VARS1: variants seen among roughly 807,000 people sequenced by gnomAD.
VARS1 encodes valyl-tRNA synthetase 1.
VARS1 carries 92 observed loss-of-function variants against 161.0 expected under a neutral mutation model. The ratio of observed to expected loss-of-function variants is 0.57; its 90% CI spans 0.48 to 0.68. VARS1 has a LOEUF of 0.68. Among genes scored for constraint, VARS1 ranks in the 30% least tolerant of loss-of-function variants. The pLI is 0.00. For synonymous variants in VARS1, 595 were observed against 682.5 expected, an observed-to-expected ratio of 0.87 and a Z score of 2.00; for missense variants, 1,338 against 1,695.9, an observed-to-expected ratio of 0.79 and a Z score of 3.71.
At chr6:31,789,701 A>G (rs1813739339) in intron 8 of VARS1, among the ~76,000 whole-genome samples, 1 of 152,204 alleles carries the variant, frequency 6.6e-6, no homozygotes, top group Non-Finnish European at 1.5e-5. Flanking sequence ...GCCACATGGA[A>G]GAATTGTCTT....
In VARS1 at chr6:31,780,428, A is replaced by G. The variant is rs1813061361; in HGVS notation, c.2925+13T>C. 1 of 1,609,840 alleles carries G rather than the reference A, an allele frequency of 6.2e-7. No individual in the cohort carries two copies. Among genetic ancestry groups the G allele is most frequent in the Non-Finnish European group, 8.5e-7 (1 of 1,177,964 alleles). The stretch of plus-strand genomic sequence containing the variant: ...GTGAGTGCTGCCAGCTTTGCTGCCC[A>G]CCAGGCCCTTACCTGGGAGGTGGGT... On this transcript the variant is annotated intron_variant, in intron 25 of 29. Transcript: ENST00000375663. The surrounding 1 kb of genome is among the most constrained non-coding windows in gnomAD (Gnocchi z 5.1).
chr6:31,779,229 T>G lies in VARS1; in HGVS notation c.3464A>C (p.Gln1155Pro), dbSNP rs763707197. The G allele has an allele frequency of 8.7e-6, 14 of 1,606,716 alleles. No homozygotes were observed. Among genetic ancestry groups the G allele is most frequent in the Non-Finnish European group, 4.2e-6 (5 of 1,179,274 alleles). ...CACCACACCTGCGCTGGCCAGGGCC[T>G]GCACGTAGCCCGACACCGCCGATGC... ...ALASAVSGYVQALASAGVVAV... is the reference protein window; with the variant it reads ...ALASAVSGYVPALASAGVVAV... The change falls in exon 29 of 30, where the codon CAG (glutamine) becomes CCG (proline). Residue 1155 changes from glutamine (Q) to proline (P), a missense_variant. Physicochemically the swap from Gln to Pro is moderately conservative, Grantham distance 76. Around this residue, in one of 3 missense-constraint regions of VARS1, gnomAD observed 433 missense variants for 586.2 expected, o/e 0.74. Coordinates refer to ENST00000375663, the MANE Select transcript of VARS1 (RefSeq NM_006295.3). The surrounding 1 kb of genome is among the most constrained non-coding windows in gnomAD (Gnocchi z 9.1).
intron 2 of VARS1, 93 bp from the exon 3 acceptor site, chr6:31,793,213 T>G (rs537619645): frequency 6.9e-7 from 1 of 1,457,116 alleles, no homozygotes; most frequent in African/African-American, 1.4e-5. Context: ...CACCCCACTC[T>G]CACAAATCAC....
At chr6:31,789,493 T>C (rs557944148) in intron 8 of VARS1, among the ~76,000 whole-genome samples, 1 of 152,256 alleles carries the variant, frequency 6.6e-6, no homozygotes, top group South Asian at 2.1e-4. Flanking sequence ...AAATGAACAC[T>C]CTCACAGCAA....
Position 31,778,805 on chromosome 6 carries a change from CTGTTT to C in VARS1, c.3726+157_3726+161del. The C allele has an allele frequency of 2.1e-6, 2 of 968,646 alleles. No individual in the cohort carries two copies. The highest frequency in any genetic ancestry group is 1.5e-6 in the Non-Finnish European group (1 of 664,896). 60.0% of individuals were successfully genotyped at this position (968,646 alleles called of 1,614,324 possible). Reference sequence around the variant, plus strand: ...TACAGGTGTGAGCCACTGAGCCAGGCTGTTTTGTTTTTTAAGGCTAGTGGGAGTGG... The same window carrying C: ...TACAGGTGTGAGCCACTGAGCCAGGCTGTTTTTTAAGGCTAGTGGGAGTGG... On this transcript the variant is annotated intron_variant, in intron 29 of 29. Coordinates refer to ENST00000375663, the MANE Select transcript of VARS1 (RefSeq NM_006295.3). The surrounding 1 kb of genome is among the most constrained non-coding windows in gnomAD (Gnocchi z 5.1).
chr6:31,778,874 T>A lies in VARS1; in HGVS notation c.3726+93A>T. 6.7e-7 allele frequency: 1 copy of A among 1,497,060 alleles called. No individual in the cohort carries two copies. The highest frequency in any genetic ancestry group is 9.2e-7 in the Non-Finnish European group (1 of 1,091,330). The allele number at this position is 1,497,060 out of a possible 1,614,324, so 92.7% of individuals were successfully genotyped here. A position where few individuals can be genotyped will look rare whatever the true frequency, so the allele number is the denominator to read the frequency against. On this transcript the variant is annotated intron_variant, in intron 29 of 29. Transcript: ENST00000375663. The surrounding 1 kb of genome is among the most constrained non-coding windows in gnomAD (Gnocchi z 5.1). The stretch of plus-strand genomic sequence containing the variant: ...AAATCTGTAACTGGTTACGATCAAT[T>A]AGTTGTCAACACCACTGCACTCGGA...
chr6:31,781,311 C>T lies in VARS1; in HGVS notation c.2544+170G>A. On this transcript the variant is annotated intron_variant, in intron 21 of 29. Coordinates refer to ENST00000375663, the MANE Select transcript of VARS1 (RefSeq NM_006295.3). This position sits in a 1 kb window ranked among gnomAD's most constrained non-coding sequence, Gnocchi z 6.8. ...TCCTCTGGGAAGATGAAGCCCTGGG[C>T]ACAGGAATCACTGAGCAGGGCCCAG... 1 of 1,240,516 alleles carries T rather than the reference C, an allele frequency of 8.1e-7. No individual in the cohort carries two copies. The highest frequency in any genetic ancestry group is 1.1e-6 in the Non-Finnish European group (1 of 901,610). 76.8% of individuals were successfully genotyped at this position (1,240,516 alleles called of 1,614,324 possible).
rs1812840020 is a variant in VARS1, at chr6:31,777,827, C to A, written c.3727-165G>T. The A allele has an allele frequency of 1.4e-6, 1 of 691,122 alleles. No homozygotes were observed. Among genetic ancestry groups the A allele is most frequent in the Admixed American group, 2.5e-5 (1 of 40,420 alleles). The allele number at this position is 691,122 out of a possible 1,614,324, so 42.8% of individuals were successfully genotyped here. A position where few individuals can be genotyped will look rare whatever the true frequency, so the allele number is the denominator to read the frequency against. ...GGCTCCCCACCCATTCCCACCAGCA[C>A]CCCCACTTCCACCACCACCTCTTGG... On this transcript the variant is annotated intron_variant, in intron 29 of 29. Transcript: ENST00000375663. This position sits in a 1 kb window ranked among gnomAD's most constrained non-coding sequence, Gnocchi z 5.8.
intron 8 of VARS1, among the ~76,000 whole-genome samples, chr6:31,789,486 T>C (rs1813728254): frequency 6.6e-6 from 1 of 152,108 alleles, no homozygotes; most frequent in African/African-American, 2.4e-5. Flanking sequence ...GGTGGGGAAA[T>C]GAACACTCTC....
At position 31,793,068 on chromosome 6, in the gene VARS1, C is replaced by T. The variant is rs766788452; in HGVS notation, c.440G>A (p.Arg147Gln). 7 of 1,612,774 alleles carry T rather than the reference C, an allele frequency of 4.3e-6. No individual in the cohort carries two copies. The highest frequency in any genetic ancestry group is 5.9e-6 in the Non-Finnish European group (7 of 1,179,988). Reference protein sequence around the residue: ...RALSPLEEWLRLHTYLAGEAP... With the variant: ...RALSPLEEWLQLHTYLAGEAP... ...CTCCCCGGCCAAGTAGGTGTGCAGC[C>T]GAAGCCACTCCTCCAAGGGGCTCAG... The change falls in exon 3 of 30, where the codon CGG becomes CAG. Residue 147 changes from arginine (R) to glutamine (Q), a missense_variant. Transcript: ENST00000375663.
rs747386999 is a variant in VARS1 at position 31,778,970 on chromosome 6, G to A, written c.3723C>T (p.Ala1241=). The change falls in exon 29 of 30, where the codon GCC becomes GCT. Residue 1241 remains alanine (A), a synonymous_variant. Coordinates refer to ENST00000375663, the MANE Select transcript of VARS1 (RefSeq NM_006295.3). The surrounding 1 kb of genome is among the most constrained non-coding windows in gnomAD (Gnocchi z 5.1). ...VPLEVQEADE[A]KLQQTEAELR... ...AATGCCCACCCAGGCCACACACCTT[G>A]GCTTCATCTGCCTCCTGGACTTCGA... 1.2e-6 allele frequency: 2 copies of A among 1,613,048 alleles called. No individual in the cohort carries two copies. The highest frequency in any genetic ancestry group is 1.7e-6 in the Non-Finnish European group (2 of 1,180,032).
Position 31,777,623 on chromosome 6 carries a change from C to A in VARS1, c.3766G>T (p.Ala1256Ser), listed in dbSNP as rs868386963. 2 of 1,613,894 alleles carry A rather than the reference C, an allele frequency of 1.2e-6. No homozygotes were observed. The highest frequency in any genetic ancestry group is 2.7e-5 in the African/African-American group (2 of 74,912). ...TEAELRKVDE[A>S]IALFQKML ...AGCATCTTCTGGAATAGGGCGATGG[C>A]CTCATCCACCTTCCTGAGCTCTGCT... Residue 1256 changes from alanine (A) to serine (S), a missense_variant, in exon 30 of 30, where the codon GCC becomes TCC. Physicochemically the swap from Ala to Ser is moderately conservative, Grantham distance 99 (BLOSUM62 1). Transcript: ENST00000375663. This position sits in a 1 kb window ranked among gnomAD's most constrained non-coding sequence, Gnocchi z 5.8.
In VARS1 at chr6:31,779,876, T is replaced by C; in HGVS notation, c.3082-62A>G. On this transcript the variant is annotated intron_variant, in intron 26 of 29. Coordinates refer to ENST00000375663, the MANE Select transcript of VARS1 (RefSeq NM_006295.3). The surrounding 1 kb of genome is among the most constrained non-coding windows in gnomAD (Gnocchi z 9.1). ...TCTAGCCTTGAGCCCTCGCTGTGCC[T>C]GTGAGGACTGGGAAGGGGATGGGTT... 6.2e-7 allele frequency: 1 copy of C among 1,604,180 alleles called. No individual in the cohort carries two copies. The highest frequency in any genetic ancestry group is 8.5e-7 in the Non-Finnish European group (1 of 1,174,036).
Position 31,792,801 on chromosome 6 carries a change from TCTC to T in VARS1, c.614_616del (p.Gly205del), listed in dbSNP as rs1268475559. ...CCTGGCTCCTGAGTATAGAACCACT[TCTC>T]CTAGCACGGCTCGGAATTCTGGCTG... On this transcript the variant is annotated inframe_deletion, in exon 4 of 30. Coordinates refer to ENST00000375663, the MANE Select transcript of VARS1 (RefSeq NM_006295.3). 6 of 1,614,050 alleles carry T rather than the reference TCTC, an allele frequency of 3.7e-6. No homozygotes were observed. The East Asian group carries it at 6.7e-5, about 18-fold the overall frequency.
Position 31,793,037 on chromosome 6 carries a change from G to T in VARS1, c.471C>A (p.Pro157=), listed in dbSNP as rs1228465173. 3.7e-6 allele frequency: 6 copies of T among 1,612,930 alleles called. No individual in the cohort carries two copies. The African/African-American group carries it at 4.0e-5, about 11-fold the overall frequency. Residue 157 remains proline (P), a synonymous_variant, in exon 3 of 30, where the codon CCC becomes CCA. Coordinates refer to ENST00000375663, the MANE Select transcript of VARS1 (RefSeq NM_006295.3). The part of the protein sequence containing the change: ...RLHTYLAGEA[P]TLADLAAVTA... The stretch of plus-strand genomic sequence containing the variant: ...TGACAGCCGCCAGGTCAGCCAGAGT[G>T]GGGGCCTCCCCGGCCAAGTAGGTGT...
Position 31,779,243 on chromosome 6 carries a change from C to T in VARS1, c.3450G>A (p.Val1150=). 1 of 1,605,496 alleles carries T rather than the reference C, an allele frequency of 6.2e-7. No homozygotes were observed. The highest frequency in any genetic ancestry group is 8.5e-7 in the Non-Finnish European group (1 of 1,179,448). The change falls in exon 29 of 30, where the codon GTG becomes GTA. Residue 1150 remains valine (V), a synonymous_variant. Transcript: ENST00000375663. The surrounding 1 kb of genome is among the most constrained non-coding windows in gnomAD (Gnocchi z 9.1). ...DEATGALASA[V]SGYVQALASA... Reference sequence around the variant, plus strand: ...TGGCCAGGGCCTGCACGTAGCCCGACACCGCCGATGCCAGGGCGCCCGTGG... The same window carrying T: ...TGGCCAGGGCCTGCACGTAGCCCGATACCGCCGATGCCAGGGCGCCCGTGG...
chr6:31,782,535 A>C lies in VARS1; in HGVS notation c.1986T>G (p.Leu662=). The C allele has an allele frequency of 1.2e-6, 2 of 1,613,002 alleles. No individual in the cohort carries two copies. The highest frequency in any genetic ancestry group is 8.5e-7 in the Non-Finnish European group (1 of 1,180,022). The stretch of plus-strand genomic sequence containing the variant: ...TCCCAGGCCCCCACCCTCACTTGCA[A>C]AGTGGCACCACCATGGGGTTGTCCT... ...GIEDNPMVVP[L]CNRSKDVVEP... is the part of the protein sequence containing the mutation. Residue 662 remains leucine (L), a synonymous_variant, in exon 16 of 30, where the codon CTT becomes CTG. Transcript: ENST00000375663. The surrounding 1 kb of genome is among the most constrained non-coding windows in gnomAD (Gnocchi z 8.3).
chr6:31,785,116 GA>G lies in VARS1; in HGVS notation c.1347+129del. 1 of 1,042,450 alleles carries G rather than the reference GA, an allele frequency of 9.6e-7. No individual in the cohort carries two copies. The highest frequency in any genetic ancestry group is 1.4e-6 in the Non-Finnish European group (1 of 702,634). 64.6% of individuals were successfully genotyped at this position (1,042,450 alleles called of 1,614,324 possible). A position where few individuals can be genotyped will look rare whatever the true frequency, so the allele number is the denominator to read the frequency against. On this transcript the variant is annotated intron_variant, in intron 10 of 29. Coordinates refer to ENST00000375663, the MANE Select transcript of VARS1 (RefSeq NM_006295.3). The surrounding 1 kb of genome is among the most constrained non-coding windows in gnomAD (Gnocchi z 6.1). Reference sequence around the variant, plus strand: ...GGGGTGGGAAGTGGCATTTGCAGCTGAGCCCTCCATGGTGTTTTACATGGGC... The same window carrying G: ...GGGGTGGGAAGTGGCATTTGCAGCTGGCCCTCCATGGTGTTTTACATGGGC...
rs761740449 is a variant in VARS1, at chr6:31,785,079, G to C, written c.1347+167C>G. ...AACATGAAGGGCCATGATATGGAAA[G>C]GGCCATGGCGAGGGGTGGGAAGTGG... On this transcript the variant is annotated intron_variant, in intron 10 of 29. Coordinates refer to ENST00000375663, the MANE Select transcript of VARS1 (RefSeq NM_006295.3). This position sits in a 1 kb window ranked among gnomAD's most constrained non-coding sequence, Gnocchi z 6.1. Among the ~76,000 whole-genome samples, 44 of 152,194 alleles carry C rather than the reference G, an allele frequency of 2.9e-4. No homozygotes were observed. Among genetic ancestry groups the C allele is most frequent in the Non-Finnish European group, 5.6e-4 (38 of 68,032 alleles).
Sources: allele counts gnomAD v4.1 joint callset (sites outside exome capture counted in the v4.1 genomes callset), GRCh38; gene constraint gnomAD v4.1.1; regional missense constraint gnomAD v4.1.1; non-coding constraint Gnocchi (gnomAD v3.1); transcripts MANE v1.5; gene names NCBI Gene and HGNC (gene_info 2026-07-23, HGNC 2026-07-21).